KIRREL2: variants seen among roughly 807,000 people sequenced by gnomAD.
KIRREL2 encodes kirre like nephrin family adhesion molecule 2, also known as kin of IRRE-like protein 2.
A neutral mutation model predicts 73.4 loss-of-function variants in KIRREL2; 56 were observed. That is an observed-to-expected ratio of 0.76 (90% CI 0.62 to 0.95). KIRREL2 has a LOEUF of 0.95. KIRREL2 is among the 40% of genes least tolerant of loss of function. KIRREL2 has a pLI of 0.00. For missense variants in KIRREL2, 896 were observed against 935.0 expected, an observed-to-expected ratio of 0.96 and a Z score of 0.54; for synonymous variants, 407 against 404.0, an observed-to-expected ratio of 1.01 and a Z score of -0.09.
At chr19:35,856,761 C>A, upstream of KIRREL2, 1 of 405,848 alleles carries the variant, frequency 2.5e-6, no homozygotes, top group Non-Finnish European at 4.6e-6. This position sits in a 1 kb window ranked among gnomAD's most constrained non-coding sequence, Gnocchi z 5.9. Context: ...CCCAATTGAG[C>A]TGGGGGCGCC....
intron 4 of KIRREL2, 89 bp from the exon 5 acceptor site, chr19:35,859,392 A>ACTTT: frequency 8.2e-7 from 1 of 1,219,154 alleles, no homozygotes; most frequent in Non-Finnish European, 1.2e-6. Context: ...GGCCTAAGAC[A>ACTTT]ATTCTTCTTC....
Position 35,866,673 on chromosome 19 carries a change from C to A in KIRREL2, c.*181C>A. The A allele has an allele frequency of 1.2e-6, 1 of 819,054 alleles. No individual in the cohort carries two copies. Among genetic ancestry groups the A allele is most frequent in the South Asian group, 1.7e-5 (1 of 57,682 alleles). The allele number at this position is 819,054 out of a possible 1,614,324, so 50.7% of individuals were successfully genotyped here. On this transcript the variant is annotated 3_prime_UTR_variant, in exon 15 of 15. Coordinates refer to ENST00000360202, the MANE Select transcript of KIRREL2 (RefSeq NM_199180.4). ...GTCAGCTCAGCCAAAGGAGATGCCC[C>A]AAGTGGGAGCAACATGGCCACCCAA...
intron 14 of KIRREL2, among the ~76,000 whole-genome samples, chr19:35,865,512 T>C (rs1034834653): frequency 4.6e-5 from 7 of 152,192 alleles, no homozygotes; most frequent in African/African-American, 1.4e-4. Context: ...CCTAATTCCT[T>C]CCTTTAGTCC....
intron 3 of KIRREL2, 36 bp downstream of exon 3, chr19:35,858,593 A>G (rs1210234482): frequency 3.1e-6 from 5 of 1,612,730 alleles, no homozygotes; most frequent in East Asian, 2.2e-5. Context: ...TGGGAGCCCA[A>G]GAGGGCAGCC....
At chr19:35,854,306 CT>C (rs969782615), upstream of KIRREL2, among the ~76,000 whole-genome samples, 107 of 151,604 alleles carry the variant, frequency 7.1e-4, 1 homozygote, top group Middle Eastern at 6.8e-3. Context: ...ATTTATCTTT[CT>C]TTTTTTTCTT....
upstream of KIRREL2, among the ~76,000 whole-genome samples, chr19:35,854,850 C>T (rs1221914575): frequency 6.6e-6 from 1 of 152,136 alleles, no homozygotes; most frequent in African/African-American, 2.4e-5. Flanking sequence ...ACTCTGACCA[C>T]GCCTCTTTCT....
In KIRREL2 at chr19:35,861,248, G is replaced by A; in HGVS notation, c.1183G>A (p.Val395Met). Residue 395 changes from valine (V) to methionine (M), a missense_variant, in exon 9 of 15, where the codon GTG (valine) becomes ATG (methionine). Transcript: ENST00000360202. ...RGGAAEARLT[V>M]NAPPVVTALH... is the part of the protein sequence containing the mutation. ...CGGCGCCGCGGAGGCTCGGCTGACT[G>A]TGAACGGTGAGAAGGCGGGGCTTCC... 6.5e-7 allele frequency: 1 copy of A among 1,529,924 alleles called. No individual in the cohort carries two copies. Among genetic ancestry groups the A allele is most frequent in the African/African-American group, 1.4e-5 (1 of 72,192 alleles). 94.8% of individuals were successfully genotyped at this position (1,529,924 alleles called of 1,614,324 possible).
chr19:35,861,281 C>A, intron 9 of KIRREL2, 27 bp downstream of exon 9: 1 of 1,514,582 alleles, frequency 6.6e-7, no homozygotes, highest in Admixed American at 2.2e-5. Context: ...TCCTAGGGGA[C>A]CTGGCCCGTC....
Position 35,861,042 on chromosome 19 carries a change from G to C in KIRREL2, c.1056+6G>C, listed in dbSNP as rs746410812. 5 of 1,607,426 alleles carry C rather than the reference G, an allele frequency of 3.1e-6. No homozygotes were observed. The highest frequency in any genetic ancestry group is 4.2e-6 in the Non-Finnish European group (5 of 1,177,066). The stretch of plus-strand genomic sequence containing the variant: ...CCCGCCGCGGTGGCGCGCAGGTACA[G>C]CCCTAAATCTGAGGCGGTGGCTGGA... On this transcript the variant is annotated splice_donor_region_variant and intron_variant, in intron 8 of 14. Coordinates refer to ENST00000360202, the MANE Select transcript of KIRREL2 (RefSeq NM_199180.4).
chr19:35,861,873 TGCC>T lies in KIRREL2; in HGVS notation c.1360_1362del (p.Ala454del), dbSNP rs1374797726. The T allele has an allele frequency of 4.4e-6, 7 of 1,594,866 alleles. No homozygotes were observed. In the Admixed American group the frequency reaches 7.2e-5, roughly 16 times the overall value. ...GCCGGTTCCTGGTGGAGACATTCCCTGCCCCAGAGAGCCGCGGGGGACTGGGTC... is the reference window on the plus strand; with the variant it reads ...GCCGGTTCCTGGTGGAGACATTCCCTCCAGAGAGCCGCGGGGGACTGGGTC... On this transcript the variant is annotated inframe_deletion, in exon 11 of 15. Coordinates refer to ENST00000360202, the MANE Select transcript of KIRREL2 (RefSeq NM_199180.4).
chr19:35,862,965 A>G lies in KIRREL2; in HGVS notation c.1654A>G (p.Ile552Val). The change falls in exon 13 of 15, where the codon ATC (isoleucine) becomes GTC (valine). Residue 552 changes from isoleucine to valine, a missense_variant. By Grantham distance (29) the Ile-to-Val change is conservative. Coordinates refer to ENST00000360202, the MANE Select transcript of KIRREL2 (RefSeq NM_199180.4). The stretch of plus-strand genomic sequence containing the variant: ...CTCCGAGCAAAAGAACCTGATGCGA[A>G]TCCCTGGCAGCAGCGACGGCTCCAG... The part of the protein sequence containing the change: ...SFSEQKNLMR[I>V]PGSSDGSSSR... The G allele has an allele frequency of 6.3e-7, 1 of 1,590,758 alleles. No homozygotes were observed. The highest frequency in any genetic ancestry group is 8.6e-7 in the Non-Finnish European group (1 of 1,168,784).
chr19:35,862,851 T>A, intron 12 of KIRREL2, 76 bp from the exon 13 acceptor site: 1 of 890,670 alleles, frequency 1.1e-6, no homozygotes, highest in South Asian at 1.5e-5. Context: ...TTCCCAGTCC[T>A]CTCTCTTCCC....
chr19:35,861,442 T>C (rs952884607), intron 9 of KIRREL2, 99 bp from the exon 10 acceptor site: 44 of 1,461,666 alleles, frequency 3.0e-5, no homozygotes, highest in Non-Finnish European at 3.9e-5. Flanking sequence ...GCCTGATTGA[T>C]TGAGGTTAGC....
At position 35,859,731 on chromosome 19, in the gene KIRREL2, C is replaced by T. The variant is rs1973583061; in HGVS notation, c.673+100C>T. 5 of 1,329,180 alleles carry T rather than the reference C, an allele frequency of 3.8e-6. No homozygotes were observed. In the Admixed American group the frequency reaches 1.1e-4, roughly 30 times the overall value. 82.3% of individuals were successfully genotyped at this position (1,329,180 alleles called of 1,614,324 possible). A position where few individuals can be genotyped will look rare whatever the true frequency, so the allele number is the denominator to read the frequency against. ...CCCTTGGGGAATGAGGAAACTGGAG[C>T]CTGGACTCCTGGATCTAAGATAGCA... On this transcript the variant is annotated intron_variant, in intron 5 of 14. Transcript: ENST00000360202.
chr19:35,861,104 G>A lies in KIRREL2; in HGVS notation c.1057-18G>A, dbSNP rs1365027462. 6.8e-6 allele frequency: 11 copies of A among 1,607,036 alleles called. No individual in the cohort carries two copies. Among genetic ancestry groups the A allele is most frequent in the Non-Finnish European group, 9.3e-6 (11 of 1,177,488 alleles). On this transcript the variant is annotated intron_variant, in intron 8 of 14. Transcript: ENST00000360202. ...CTTCCTTACAAATCCGGCTTCTGAC[G>A]CCCCTTCCCTGTCGCAGGTGCTGGG...
At chr19:35,857,610 G>T in intron 2 of KIRREL2, 116 bp downstream of exon 2, 10 of 1,129,850 alleles carry the variant, frequency 8.9e-6, no homozygotes, top group Non-Finnish European at 1.2e-5. Context: ...ATGGGCTCGG[G>T]TAAACATTTA....
chr19:35,863,042 A>C lies in KIRREL2; in HGVS notation c.1725+6A>C, dbSNP rs1303479548. ...CAGGCAGCCGCGAGGACCGGGTAGG[A>C]TGCCAGGGTCCCCAGACCTGACTGT... On this transcript the variant is annotated splice_donor_region_variant and intron_variant, in intron 13 of 14. Coordinates refer to ENST00000360202, the MANE Select transcript of KIRREL2 (RefSeq NM_199180.4). The C allele has an allele frequency of 1.3e-6, 2 of 1,520,758 alleles. No homozygotes were observed. The highest frequency in any genetic ancestry group is 2.7e-5 in the African/African-American group (2 of 73,262). The allele number at this position is 1,520,758 out of a possible 1,614,324, so 94.2% of individuals were successfully genotyped here. A position where few individuals can be genotyped will look rare whatever the true frequency, so the allele number is the denominator to read the frequency against.
chr19:35,866,417 G>A lies in KIRREL2; in HGVS notation c.2052G>A (p.Leu684=). 1 of 1,609,890 alleles carries A rather than the reference G, an allele frequency of 6.2e-7. No individual in the cohort carries two copies. Among genetic ancestry groups the A allele is most frequent in the Non-Finnish European group, 8.5e-7 (1 of 1,177,324 alleles). Residue 684 remains leucine, a synonymous_variant, in exon 15 of 15, where the codon CTG becomes CTA. Transcript: ENST00000360202. The part of the protein sequence containing the change: ...IKPTSFGPPD[L]APGTPPFPYA... ...CCACATCCTTTGGGCCCCCAGATCTGGCCCCCGGGACTCCCCCCTTCCCAT... is the reference window on the plus strand; with the variant it reads ...CCACATCCTTTGGGCCCCCAGATCTAGCCCCCGGGACTCCCCCCTTCCCAT...
rs1025979856 is a variant in KIRREL2, at chr19:35,857,051, C to A, written c.-69C>A. 1.3e-6 allele frequency: 2 copies of A among 1,509,248 alleles called. No individual in the cohort carries two copies. Among genetic ancestry groups the A allele is most frequent in the Admixed American group, 1.7e-5 (1 of 59,782 alleles). 93.5% of individuals were successfully genotyped at this position (1,509,248 alleles called of 1,614,324 possible). A position where few individuals can be genotyped will look rare whatever the true frequency, so the allele number is the denominator to read the frequency against. ...GGCTCCGGGCCAGGGTGACAGGAGG[C>A]GTGCTTGAGAGGAAGAAGTTGACGG... On this transcript the variant is annotated 5_prime_UTR_variant, in exon 1 of 15. Coordinates refer to ENST00000360202, the MANE Select transcript of KIRREL2 (RefSeq NM_199180.4).
Sources: gnomAD v4.1 joint callset for allele counts (sites outside exome capture counted in the v4.1 genomes callset) on GRCh38, gnomAD v4.1.1 for gene constraint, Gnocchi (gnomAD v3.1) non-coding constraint, MANE v1.5 for transcripts, NCBI Gene and HGNC (gene_info 2026-07-23, HGNC 2026-07-21) for gene names.